The following CNTNAP2 variants were observed in gnomAD, a reference collection of about 807,000 sequenced individuals.
CNTNAP2 encodes contactin associated protein 2.
In CNTNAP2, 98 loss-of-function variants were observed where a neutral mutation model predicts 155.2. The observed-to-expected ratio is 0.63, with a 90% CI of 0.54 to 0.75. The LOEUF (loss-of-function observed/expected upper bound fraction) is 0.75, where lower values mean the gene tolerates loss of function less well. CNTNAP2 is among the 30% of genes least tolerant of loss of function. The pLI is 0.00. For synonymous variants in CNTNAP2, 651 were observed against 631.2 expected (o/e 1.03, Z -0.47); for missense variants, 1,727 against 1,688.1 (o/e 1.02, Z -0.40).
At chr7:147,043,454 A>G (rs2129255033) in intron 3 of CNTNAP2, among the ~76,000 whole-genome samples, 1 of 152,308 alleles carries the variant, frequency 6.6e-6, no homozygotes, top group East Asian at 1.9e-4. Flanking sequence ...CCTCTTCACA[A>G]CGTGTTCAAT....
At chr7:147,801,073 T>C (rs1480651647) in intron 13 of CNTNAP2, among the ~76,000 whole-genome samples, 1 of 152,184 alleles carries the variant, frequency 6.6e-6, no homozygotes, top group Non-Finnish European at 1.5e-5. Flanking sequence ...AAAGTGACTC[T>C]ACTGGAAAAC....
intron 22 of CNTNAP2, among the ~76,000 whole-genome samples, chr7:148,390,884 G>A (rs1490816201): frequency 6.6e-6 from 1 of 152,202 alleles, no homozygotes; most frequent in African/African-American, 2.4e-5. Context: ...GTCAGGTTGT[G>A]CACTGCACAA....
chr7:147,153,532 A>C (rs192822823), intron 8 of CNTNAP2, among the ~76,000 whole-genome samples: 1 of 152,162 alleles, frequency 6.6e-6, no homozygotes, highest in Non-Finnish European at 1.5e-5. Flanking sequence ...TGGGGGAAAA[A>C]CATTCCAGGC....
chr7:147,849,937 G>C (rs112829830), intron 13 of CNTNAP2: 14 of 152,340 alleles, frequency 9.2e-5, no homozygotes, highest in African/African-American at 3.4e-4. Flanking sequence ...AAGCAGGGTT[G>C]GTTTGGCTAG....
At chr7:148,311,451 G>A (rs899149204) in intron 21 of CNTNAP2, among the ~76,000 whole-genome samples, 1 of 151,736 alleles carries the variant, frequency 6.6e-6, no homozygotes, top group Non-Finnish European at 1.5e-5. Flanking sequence ...AGAGGAATGG[G>A]AATGAGAATA....
chr7:148,235,014 C>A (rs1255809184), intron 20 of CNTNAP2, among the ~76,000 whole-genome samples: 1 of 152,114 alleles, frequency 6.6e-6, no homozygotes, highest in African/African-American at 2.4e-5. Context: ...CAAAATAAGG[C>A]CTTTCTTAGA....
chr7:147,402,443 G>C (rs1417338597), intron 10 of CNTNAP2, among the ~76,000 whole-genome samples: 1 of 152,130 alleles, frequency 6.6e-6, no homozygotes, highest in Non-Finnish European at 1.5e-5. Flanking sequence ...TTAGGTTCTG[G>C]GATCTGTGTT....
intron 10 of CNTNAP2, among the ~76,000 whole-genome samples, chr7:147,475,042 T>A (rs1385899395): frequency 6.6e-6 from 1 of 152,266 alleles, no homozygotes; most frequent in African/African-American, 2.4e-5. Flanking sequence ...TTTTTGAGAT[T>A]GTGTCTTATC....
At chr7:147,187,523 A>G (rs1309762245) in intron 8 of CNTNAP2, among the ~76,000 whole-genome samples, 1 of 152,166 alleles carries the variant, frequency 6.6e-6, no homozygotes, top group African/African-American at 2.4e-5. Flanking sequence ...AGAAAACCAA[A>G]TACTACATGT....
At chr7:146,949,757 T>C (rs1285188991) in intron 3 of CNTNAP2, among the ~76,000 whole-genome samples, 1 of 152,096 alleles carries the variant, frequency 6.6e-6, no homozygotes, top group Non-Finnish European at 1.5e-5. Context: ...TGCCATTGCT[T>C]TGATGTTGAG....
chr7:148,187,241 AC>A (rs1795131582), intron 18 of CNTNAP2, among the ~76,000 whole-genome samples: 1 of 152,194 alleles, frequency 6.6e-6, no homozygotes, highest in African/African-American at 2.4e-5. Flanking sequence ...TGCCACCCAC[AC>A]ACCGTATCCA....
intron 15 of CNTNAP2, among the ~76,000 whole-genome samples, chr7:148,064,083 G>A (rs918698443): frequency 6.6e-6 from 1 of 152,110 alleles, no homozygotes; most frequent in South Asian, 2.1e-4. Context: ...TGTTCCATTG[G>A]TCTGTATACC....
chr7:147,325,520 G>A (rs183578399), intron 9 of CNTNAP2, among the ~76,000 whole-genome samples: 1 of 152,142 alleles, frequency 6.6e-6, no homozygotes, highest in East Asian at 1.9e-4. Flanking sequence ...GGGAAGGCAT[G>A]GAAATAGTTT....
chr7:146,867,184 C>T (rs1174029651), intron 3 of CNTNAP2, among the ~76,000 whole-genome samples: 6 of 152,008 alleles, frequency 3.9e-5, no homozygotes, highest in East Asian at 1.9e-4. Flanking sequence ...CTTCTGTCCT[C>T]GAGAAGAACC....
At chr7:146,934,098 C>A (rs1796852674) in intron 3 of CNTNAP2, among the ~76,000 whole-genome samples, 1 of 151,966 alleles carries the variant, frequency 6.6e-6, no homozygotes, top group South Asian at 2.1e-4. Context: ...TGGGTATATA[C>A]CCAAAGGACT....
intron 1 of CNTNAP2, among the ~76,000 whole-genome samples, chr7:146,560,499 A>G (rs1192946126): frequency 6.6e-6 from 1 of 151,852 alleles, no homozygotes; most frequent in Non-Finnish European, 1.5e-5. Flanking sequence ...TTTGGCTAAG[A>G]GTTTCTTATA....
chr7:146,123,658 T>C (rs935172096), intron 1 of CNTNAP2, among the ~76,000 whole-genome samples: 4 of 152,040 alleles, frequency 2.6e-5, no homozygotes, highest in African/African-American at 9.7e-5. Context: ...TAATGTCATC[T>C]ATGCTGTTCA....
chr7:147,972,102 G>T (rs12670399), intron 14 of CNTNAP2, among the ~76,000 whole-genome samples: 36,635 of 152,152 alleles, frequency 0.24, 5,731 homozygotes, highest in East Asian at 0.56. Flanking sequence ...CCTAAGGAAT[G>T]ATAGTATTAG....
intron 21 of CNTNAP2, among the ~76,000 whole-genome samples, chr7:148,280,597 A>G (rs1796959360): frequency 6.6e-6 from 1 of 152,108 alleles, no homozygotes; most frequent in Admixed American, 6.5e-5. Context: ...TGATTCTACA[A>G]TGGACTCAAT....
Sources: gnomAD v4.1 joint callset for allele counts (sites outside exome capture counted in the v4.1 genomes callset) on GRCh38, gnomAD v4.1.1 for gene constraint, MANE v1.5 for transcripts, NCBI Gene and HGNC (gene_info 2026-07-23, HGNC 2026-07-21) for gene names.